The following NPAS3 variants were observed in gnomAD, a reference collection of about 807,000 sequenced individuals.
The protein encoded by NPAS3 is neuronal PAS domain-containing protein 3.
NPAS3 carries 14 observed loss-of-function variants against 73.1 expected under a neutral mutation model. That is an observed-to-expected ratio of 0.19 (90% CI 0.13 to 0.30). The LOEUF (loss-of-function observed/expected upper bound fraction) is 0.30. NPAS3 is among the 10% of genes least tolerant of loss of function. The pLI, the probability that NPAS3 is intolerant of heterozygous loss-of-function variation, is 1.00. For missense variants in NPAS3, 1,096 were observed against 1,250.0 expected, an observed-to-expected ratio of 0.88 and a Z score of 1.86; for synonymous variants, 620 against 541.5, an observed-to-expected ratio of 1.14 and a Z score of -2.01.
chr14:33,244,442 A>G (rs536369287), intron 3 of NPAS3, among the ~76,000 whole-genome samples: 21 of 152,274 alleles, frequency 1.4e-4, no homozygotes, highest in African/African-American at 4.8e-4. Context: ...AGATTTTGAG[A>G]TGATAGTGGT....
At chr14:33,317,956 T>A (rs2043276775) in intron 3 of NPAS3, among the ~76,000 whole-genome samples, 1 of 152,050 alleles carries the variant, frequency 6.6e-6, no homozygotes, top group Admixed American at 6.6e-5. Context: ...TGATGTATTT[T>A]TATATGATCC....
chr14:33,514,731 T>C (rs2053220402), intron 4 of NPAS3, among the ~76,000 whole-genome samples: 1 of 152,052 alleles, frequency 6.6e-6, no homozygotes, highest in African/African-American at 2.4e-5. Flanking sequence ...CATAAAAACC[T>C]TTAAGATTGA....
intron 6 of NPAS3, among the ~76,000 whole-genome samples, chr14:33,727,895 A>G (rs1236317430): frequency 6.6e-6 from 1 of 152,226 alleles, no homozygotes; most frequent in Admixed American, 6.5e-5. Context: ...CACTTGCAGT[A>G]TTCATGTGGC....
intron 1 of NPAS3, among the ~76,000 whole-genome samples, chr14:33,010,984 G>A (rs1414468394): frequency 6.6e-6 from 1 of 151,016 alleles, no homozygotes; most frequent in Non-Finnish European, 1.5e-5. Flanking sequence ...ATAAATGTGA[G>A]CTCTAAATAC....
chr14:33,402,790 G>GAGGC (rs1385165976), intron 4 of NPAS3, among the ~76,000 whole-genome samples: 2 of 152,158 alleles, frequency 1.3e-5, no homozygotes, highest in African/African-American at 4.8e-5. Flanking sequence ...GCTGGCTGTA[G>GAGGC]AGGCCTTGGG....
At chr14:33,029,557 A>AT (rs1292764037) in intron 1 of NPAS3, among the ~76,000 whole-genome samples, 4 of 152,108 alleles carry the variant, frequency 2.6e-5, no homozygotes, top group African/African-American at 9.7e-5. Context: ...ATTATTCATT[A>AT]TTTATCACAC....
At chr14:33,707,207 G>C (rs1022519715) in intron 6 of NPAS3, among the ~76,000 whole-genome samples, 1 of 152,228 alleles carries the variant, frequency 6.6e-6, no homozygotes, top group African/African-American at 2.4e-5. Context: ...GATTTAGACA[G>C]TATGTGCTGT....
chr14:33,382,240 GA>G (rs751183722), intron 4 of NPAS3, among the ~76,000 whole-genome samples: 15 of 148,750 alleles, frequency 1.0e-4, no homozygotes, highest in African/African-American at 2.2e-4. Context: ...TCATTGCATT[GA>G]AAAAAAAAAT....
chr14:33,066,069 G>C (rs2041268359), intron 2 of NPAS3, among the ~76,000 whole-genome samples: 1 of 152,106 alleles, frequency 6.6e-6, no homozygotes, highest in Admixed American at 6.6e-5. Flanking sequence ...AGTTGTAGGG[G>C]AGATCCTTGT....
chr14:33,590,041 A>G lies in NPAS3; in HGVS notation c.558+29831A>G, dbSNP rs373701633. Among the ~76,000 whole-genome samples the G allele has an allele frequency of 5.9e-5, 9 of 152,232 alleles. No homozygotes were observed. The East Asian group carries it at 1.3e-3, about 23-fold the overall frequency. ...TTTACAACAGACCCCAAAAGACAAC[A>G]TGAATGTGCTCAAGTTATCCCACCT... On this transcript the variant is annotated intron_variant, in intron 5 of 11. Transcript: ENST00000356141.
intron 5 of NPAS3, among the ~76,000 whole-genome samples, chr14:33,641,789 A>G (rs536848705): frequency 2.0e-5 from 3 of 151,960 alleles, no homozygotes; most frequent in Non-Finnish European, 4.4e-5. Flanking sequence ...TTTGATGCCT[A>G]TATTTCTGTT....
chr14:33,764,145 A>G (rs60604747), intron 7 of NPAS3, among the ~76,000 whole-genome samples: 45,449 of 152,086 alleles, frequency 0.3, 7,223 homozygotes, highest in African/African-American at 0.4. Flanking sequence ...TTGAAGTTAA[A>G]TGGGGGCACT....
chr14:33,472,187 A>C (rs918895931), intron 4 of NPAS3, among the ~76,000 whole-genome samples: 7 of 152,224 alleles, frequency 4.6e-5, no homozygotes, highest in Non-Finnish European at 1.5e-5. Flanking sequence ...TGACATTTTA[A>C]TAGAGACCTG....
At chr14:33,069,945 G>A (rs563910419) in intron 2 of NPAS3, among the ~76,000 whole-genome samples, 126 of 152,258 alleles carry the variant, frequency 8.3e-4, no homozygotes, top group African/African-American at 2.7e-3. Flanking sequence ...GTCTGATTAC[G>A]TGCCTCTTTT....
chr14:33,585,381 G>GCTATAGACC (rs1166734633), intron 5 of NPAS3, among the ~76,000 whole-genome samples: 1 of 152,192 alleles, frequency 6.6e-6, no homozygotes, highest in Non-Finnish European at 1.5e-5. Context: ...CTATAGACCA[G>GCTATAGACC]CAGTCGAGAA....
At chr14:33,679,852 C>CATTG (rs1274967382) in intron 6 of NPAS3, among the ~76,000 whole-genome samples, 10 of 152,122 alleles carry the variant, frequency 6.6e-5, no homozygotes, top group African/African-American at 2.2e-4. Flanking sequence ...AAAAAAGATC[C>CATTG]ATTGATTGTA....
upstream of NPAS3, chr14:32,934,929 G>T: frequency 9.1e-7 from 1 of 1,099,894 alleles, no homozygotes; most frequent in Non-Finnish European, 1.1e-6. The surrounding 1 kb of genome is among the most constrained non-coding windows in gnomAD (Gnocchi z 4.1). Context: ...CGGCCGGCGC[G>T]GGCATGGGGA....
intron 3 of NPAS3, among the ~76,000 whole-genome samples, chr14:33,268,037 T>A (rs555202223): frequency 6.6e-6 from 1 of 151,830 alleles, no homozygotes; most frequent in South Asian, 2.1e-4. Flanking sequence ...TTCTTCTTGA[T>A]TTTTTTTTCA....
At chr14:33,703,242 C>A (rs1566444312) in intron 6 of NPAS3, among the ~76,000 whole-genome samples, 2 of 152,230 alleles carry the variant, frequency 1.3e-5, no homozygotes, top group East Asian at 3.9e-4. Flanking sequence ...GATCCAATCA[C>A]TTTTGGAGGG....
Sources: gnomAD v4.1 joint callset for allele counts (sites outside exome capture counted in the v4.1 genomes callset) on GRCh38, gnomAD v4.1.1 for gene constraint, Gnocchi (gnomAD v3.1) non-coding constraint, MANE v1.5 for transcripts, NCBI Gene and HGNC (gene_info 2026-07-23, HGNC 2026-07-21) for gene names.